DDC: variants seen among roughly 807,000 people sequenced by gnomAD.
DDC encodes the protein dopa decarboxylase.
A neutral mutation model predicts 60.0 loss-of-function variants in DDC; 43 were observed. The observed-to-expected ratio is 0.72, with a 90% confidence interval of 0.56 to 0.92. DDC has a LOEUF of 0.92. Ranked by LOEUF, DDC falls within the 40% of genes least tolerant of loss-of-function variation. The pLI is 0.00. For synonymous variants in DDC, 232 were observed against 234.6 expected (o/e 0.99, Z 0.10); for missense variants, 573 against 620.2 (o/e 0.92, Z 0.81).
intron 1 of DDC, among the ~76,000 whole-genome samples, chr7:50,559,343 C>T (rs2045281384): frequency 6.6e-6 from 1 of 152,196 alleles, no homozygotes; most frequent in Non-Finnish European, 1.5e-5. Flanking sequence ...GTCCCATATG[C>T]CCACGAGGTG....
At chr7:50,554,383 G>T (rs371213151) in intron 1 of DDC, among the ~76,000 whole-genome samples, 2 of 151,860 alleles carry the variant, frequency 1.3e-5, no homozygotes, top group South Asian at 4.2e-4. Context: ...TGAAACTGCC[G>T]TGAAAGTCTA....
At chr7:50,544,879 A>G (rs1026185446) in intron 1 of DDC, among the ~76,000 whole-genome samples, 2 of 152,220 alleles carry the variant, frequency 1.3e-5, no homozygotes, top group African/African-American at 4.8e-5. Context: ...TAAACTTTTC[A>G]TGTGTTTTTA....
chr7:50,495,264 C>T, intron 9 of DDC, 86 bp downstream of exon 9: 1 of 941,808 alleles, frequency 1.1e-6, no homozygotes. Context: ...GACTATTGCA[C>T]CCCTTTGGCT....
chr7:50,480,697 G>C (rs139581122), intron 9 of DDC, among the ~76,000 whole-genome samples: 1 of 152,220 alleles, frequency 6.6e-6, no homozygotes, highest in African/African-American at 2.4e-5. Context: ...GGTGTCAAGA[G>C]GGAAAACCAC....
intron 6 of DDC, among the ~76,000 whole-genome samples, chr7:50,505,271 T>C (rs6592962): frequency 0.019 from 2,924 of 152,328 alleles, 167 homozygotes; most frequent in Admixed American, 0.12. Flanking sequence ...CTGAAACCTA[T>C]TGCTGAATTG....
intron 1 of DDC, among the ~76,000 whole-genome samples, chr7:50,553,656 T>G (rs532711954): frequency 6.6e-6 from 1 of 151,982 alleles, no homozygotes; most frequent in African/African-American, 2.4e-5. Context: ...CTGGCTAATT[T>G]TTGTATTTTT....
At chr7:50,462,765 C>CTTTTTTT (rs1554411017) in intron 14 of DDC, among the ~76,000 whole-genome samples, 15 of 125,530 alleles carry the variant, frequency 1.2e-4, no homozygotes, top group African/African-American at 3.5e-4. Flanking sequence ...TTCTCTTCTT[C>CTTTTTTT]TTGTTTTTTT....
chr7:50,460,156 T>C (rs866604691), intron 14 of DDC, among the ~76,000 whole-genome samples: 1,465 of 89,020 alleles, frequency 0.016, 92 homozygotes, highest in African/African-American at 0.064. Flanking sequence ...CCCCTCTGCC[T>C]GGCCAGCCGC....
chr7:50,565,131 T>A (rs1180529950), intron 1 of DDC, among the ~76,000 whole-genome samples, 154 bp downstream of exon 1: 1 of 152,200 alleles, frequency 6.6e-6, no homozygotes, highest in African/African-American at 2.4e-5. Flanking sequence ...CAAAAACCCC[T>A]GCCAGCCTGC....
intron 1 of DDC, among the ~76,000 whole-genome samples, chr7:50,551,699 C>T (rs985596260): frequency 9.2e-5 from 14 of 152,176 alleles, no homozygotes; most frequent in African/African-American, 2.9e-4. Flanking sequence ...TCTACTCTTA[C>T]GTCTGTTAAA....
chr7:50,472,643 C>T (rs1213074625), intron 11 of DDC, among the ~76,000 whole-genome samples: 1 of 152,134 alleles, frequency 6.6e-6, no homozygotes, highest in Non-Finnish European at 1.5e-5. Context: ...TAATGATGCC[C>T]ACTTTACCCA....
At chr7:50,493,121 T>A in intron 9 of DDC, 2 of 837,804 alleles carry the variant, frequency 2.4e-6, no homozygotes, top group Non-Finnish European at 3.9e-6. Flanking sequence ...TCCTCATCTG[T>A]AAAGAGAGCG....
chr7:50,536,624 A>T (rs575953666), intron 4 of DDC, among the ~76,000 whole-genome samples: 6 of 152,240 alleles, frequency 3.9e-5, no homozygotes, highest in Non-Finnish European at 7.3e-5. Flanking sequence ...GTTTTAGCCC[A>T]GTAAGACCCA....
At chr7:50,507,071 T>C (rs1302838422) in intron 6 of DDC, among the ~76,000 whole-genome samples, 2 of 152,236 alleles carry the variant, frequency 1.3e-5, no homozygotes, top group African/African-American at 2.4e-5. Context: ...GAATGCCTTA[T>C]CTTTATCCTT....
chr7:50,549,852 G>T (rs2044930282), intron 1 of DDC, among the ~76,000 whole-genome samples: 1 of 152,162 alleles, frequency 6.6e-6, no homozygotes, highest in African/African-American at 2.4e-5. Context: ...TGACTGAATT[G>T]CTGCAATCTC....
chr7:50,477,961 A>C (rs1204226786), intron 10 of DDC, among the ~76,000 whole-genome samples: 1 of 151,968 alleles, frequency 6.6e-6, no homozygotes, highest in Non-Finnish European at 1.5e-5. Flanking sequence ...CAGCACTTTG[A>C]GAGGCCAAGG....
chr7:50,467,257 A>T lies in DDC; in HGVS notation c.1199T>A (p.Ile400Asn). The T allele has an allele frequency of 6.2e-7, 1 of 1,614,196 alleles. No homozygotes were observed. Among genetic ancestry groups the T allele is most frequent in the South Asian group, 1.1e-5 (1 of 91,084 alleles). Reference sequence around the variant, plus strand: ...AAGCCCCAGAATGACTTCCACACAGATTTCAAAGCGGGGATCCTGGCGCAC... The same window carrying T: ...AAGCCCCAGAATGACTTCCACACAGTTTTCAAAGCGGGGATCCTGGCGCAC... ...SLVRQDPRFE[I>N]CVEVILGLVC... is the part of the protein sequence containing the mutation. The change falls in exon 13 of 15, where the codon ATC becomes AAC. Residue 400 changes from isoleucine (I) to asparagine (N), a missense_variant. Transcript: ENST00000444124.
chr7:50,515,736 T>C (rs1480001782), intron 6 of DDC, among the ~76,000 whole-genome samples: 1 of 152,186 alleles, frequency 6.6e-6, no homozygotes, highest in Non-Finnish European at 1.5e-5. Context: ...GAAAAAGGCA[T>C]TTCATGCAAA....
At chr7:50,525,897 TA>T (rs764917817) in intron 6 of DDC, among the ~76,000 whole-genome samples, 7,863 of 144,792 alleles carry the variant, frequency 0.054, 311 homozygotes, top group Non-Finnish European at 0.08. Flanking sequence ...GCATGGAGAT[TA>T]AAAAAAAAAA....
Sources: gnomAD v4.1 joint callset for allele counts (sites outside exome capture counted in the v4.1 genomes callset) on GRCh38, gnomAD v4.1.1 for gene constraint, MANE v1.5 for transcripts, NCBI Gene and HGNC (gene_info 2026-07-23, HGNC 2026-07-21) for gene names.